DDX60L: variants seen among roughly 807,000 people sequenced by gnomAD.
DDX60L encodes DExD/H-box 60 like.
In DDX60L, 191 loss-of-function variants were observed where a neutral mutation model predicts 211.6. The ratio of observed to expected loss-of-function variants is 0.90; its 90% confidence interval spans 0.80 to 1.02. The LOEUF (loss-of-function observed/expected upper bound fraction) is 1.02, where lower values mean the gene tolerates loss of function less well. DDX60L is among the 50% of genes least tolerant of loss of function. DDX60L has a pLI of 0.00. For missense variants in DDX60L, 2,007 were observed against 1,984.1 expected (o/e 1.01, Z -0.22); for synonymous variants, 706 against 694.1 (o/e 1.02, Z -0.27).
chr4:168,436,325 G>T (rs1418709230), intron 10 of DDX60L, among the ~76,000 whole-genome samples: 1 of 152,192 alleles, frequency 6.6e-6, no homozygotes, highest in East Asian at 1.9e-4. Flanking sequence ...CAATGCTTCT[G>T]CCAGAAATAC....
chr4:168,371,549 C>T, intron 36 of DDX60L, 63 bp downstream of exon 36: 2 of 882,386 alleles, frequency 2.3e-6, no homozygotes, highest in East Asian at 2.9e-5. Flanking sequence ...TATGAATATA[C>T]AATAATAAAA....
intron 22 of DDX60L, among the ~76,000 whole-genome samples, chr4:168,411,129 T>A (rs566430575): frequency 6.6e-6 from 1 of 152,308 alleles, no homozygotes; most frequent in Non-Finnish European, 1.5e-5. Context: ...CCATCCTTGA[T>A]GTCCGTGTAC....
In DDX60L at chr4:168,441,043, T is replaced by C. The variant is rs111497623; in HGVS notation, c.1294+294A>G. 2.6e-3 allele frequency among the ~76,000 whole-genome samples: 402 copies of C among 152,188 alleles called. 2 individuals are homozygous for C. The highest frequency in any genetic ancestry group is 9.3e-3 in the African/African-American group (386 of 41,470). ...GAGATGAGAGGAGGGGGAGGATGGA[T>C]TGGGAAGTGGCCCGAGGAACTTTCT... On this transcript the variant is annotated intron_variant, in intron 10 of 37. Transcript: ENST00000682922.
Position 168,359,560 on chromosome 4 carries a change from T to G in DDX60L, c.4992-1284A>C, listed in dbSNP as rs559313651. Among the ~76,000 whole-genome samples, 5 of 152,314 alleles carry G rather than the reference T, an allele frequency of 3.3e-5. No individual in the cohort carries two copies. In the South Asian group the frequency reaches 1.0e-3, roughly 32 times the overall value. ...CCTTCATTTTCTCTCACCTGGAATA[T>G]GGGTATAGCCTCCAGCTTTAGCTCC... On this transcript the variant is annotated intron_variant, in intron 37 of 37. Transcript: ENST00000682922.
intron 5 of DDX60L, 126 bp from the exon 6 acceptor site, chr4:168,458,134 T>A: frequency 1.9e-6 from 1 of 531,736 alleles, no homozygotes. Context: ...GAATGGCGAT[T>A]ACTAAAAAGT....
intron 37 of DDX60L, among the ~76,000 whole-genome samples, chr4:168,359,230 T>A (rs945854971): frequency 6.6e-6 from 1 of 152,210 alleles, no homozygotes; most frequent in African/African-American, 2.4e-5. Flanking sequence ...TTAGGAATGA[T>A]CACATCTTTA....
rs1579126822 is a variant in DDX60L at position 168,358,646 on chromosome 4, C to T, written c.4992-370G>A. 4.0e-5 allele frequency among the ~76,000 whole-genome samples: 6 copies of T among 151,248 alleles called. 1 individual carries two copies. The highest frequency in any genetic ancestry group is 4.0e-4 in the Admixed American group (6 of 15,158). ...CTCCTGGGTTCAAGCAATTCTCTGC[C>T]TCAGCCTCCTGAGTAGCTGGGATTA... On this transcript the variant is annotated intron_variant, in intron 37 of 37. Coordinates refer to ENST00000682922, the MANE Select transcript of DDX60L (RefSeq NM_001012967.3).
At chr4:168,437,865 T>A in intron 10 of DDX60L, among the ~76,000 whole-genome samples, 1 of 63,600 alleles carries the variant, frequency 1.6e-5, no homozygotes, top group Non-Finnish European at 4.3e-5. Context: ...TGGGGTTTTT[T>A]TTTGGGTTTT....
At chr4:168,379,548 C>T (rs1742562940) in intron 31 of DDX60L, 44 bp from the exon 32 acceptor site, 2 of 1,429,394 alleles carry the variant, frequency 1.4e-6, no homozygotes, top group Non-Finnish European at 1.9e-6. Context: ...GTCATGTACT[C>T]AAATACCATA....
Position 168,456,050 on chromosome 4 carries a change from G to C in DDX60L, c.826C>G (p.His276Asp). 1.3e-6 allele frequency: 2 copies of C among 1,584,806 alleles called. No homozygotes were observed. The highest frequency in any genetic ancestry group is 1.7e-6 in the Non-Finnish European group (2 of 1,167,760). ...TSCSLSLRMY[H>D]RVLVHSNCLS... Reference sequence around the variant, plus strand: ...TTCTTTTTACTTACTAAGACACGATGGTACATTCTCAAGGATAGTGAACAT... The same window carrying C: ...TTCTTTTTACTTACTAAGACACGATCGTACATTCTCAAGGATAGTGAACAT... The change falls in exon 7 of 38, where the codon CAT becomes GAT. Residue 276 changes from histidine (H) to aspartate (D), a missense_variant. Physicochemically the swap from His to Asp is moderately conservative, Grantham distance 81. Coordinates refer to ENST00000682922, the MANE Select transcript of DDX60L (RefSeq NM_001012967.3).
chr4:168,449,637 C>CAAAAAAAAAATGCAAAAAAAAAAAAAA (rs1755407799), intron 8 of DDX60L, among the ~76,000 whole-genome samples: 2 of 44,842 alleles, frequency 4.5e-5, no homozygotes, highest in Admixed American at 3.1e-4. Flanking sequence ...AACATTAAAA[C>CAAAAAAAAAATGCAAAAAAAAAAAAAA]AAAAAAAAAA....
chr4:168,432,203 C>T (rs1752453345), intron 12 of DDX60L, among the ~76,000 whole-genome samples: 2 of 150,576 alleles, frequency 1.3e-5, no homozygotes, highest in Non-Finnish European at 3.0e-5. Flanking sequence ...AGACAGCATG[C>T]TTCCTACTGT....
chr4:168,392,325 A>G (rs1744976233), intron 28 of DDX60L, among the ~76,000 whole-genome samples: 1 of 152,218 alleles, frequency 6.6e-6, no homozygotes, highest in Non-Finnish European at 1.5e-5. Flanking sequence ...CTAGGTGCAT[A>G]TAGCTGCTCT....
intron 29 of DDX60L, among the ~76,000 whole-genome samples, chr4:168,387,286 T>G (rs751115770): frequency 6.6e-6 from 1 of 152,226 alleles, no homozygotes; most frequent in Non-Finnish European, 1.5e-5. Flanking sequence ...TAAACTGTGG[T>G]TGGAAATCTC....
In DDX60L at chr4:168,430,466, T is replaced by C. The variant is rs1561057360; in HGVS notation, c.1677+12A>G. 6.4e-7 allele frequency: 1 copy of C among 1,557,026 alleles called. No individual in the cohort carries two copies. Among genetic ancestry groups the C allele is most frequent in the Non-Finnish European group, 8.6e-7 (1 of 1,158,308 alleles). On this transcript the variant is annotated intron_variant, in intron 13 of 37. Coordinates refer to ENST00000682922, the MANE Select transcript of DDX60L (RefSeq NM_001012967.3). ...TCAAAGAAAAAAATTAGGTAAAATC[T>C]TTGCGATCTACCTGTAATATTTCAC...
rs767548056 is a variant in DDX60L at position 168,361,195 on chromosome 4, G to C, written c.4945C>G (p.Leu1649Val). 1.7e-5 allele frequency: 28 copies of C among 1,602,754 alleles called. No homozygotes were observed. The highest frequency in any genetic ancestry group is 2.4e-5 in the Non-Finnish European group (28 of 1,170,804). The change falls in exon 37 of 38, where the codon CTT becomes GTT. Residue 1649 changes from leucine (L) to valine (V), a missense_variant. Transcript: ENST00000682922. ...GCAAAATCTTTCAAACACTTTAAAA[G>C]CTGTCCCATACGCATCCTAAAGAGA... The part of the protein sequence containing the change: ...DQKNGMRMGQ[L>V]LKCLKDFAFN...
chr4:168,479,367 G>A (rs973566975), intron 1 of DDX60L, among the ~76,000 whole-genome samples: 2 of 152,182 alleles, frequency 1.3e-5, no homozygotes, highest in Non-Finnish European at 2.9e-5. Flanking sequence ...TGAATGGTAT[G>A]TTACTGTTTT....
Position 168,404,077 on chromosome 4 carries a change from C to G in DDX60L, c.3243G>C (p.Pro1081=). The change falls in exon 25 of 38, where the codon CCG becomes CCC. Residue 1081 remains proline, a synonymous_variant. Coordinates refer to ENST00000682922, the MANE Select transcript of DDX60L (RefSeq NM_001012967.3). ...TATCTTTTGAACTAGACAATGAATC[C>G]GGACTAAGGTTCTTCAGTACTCTTT... is the stretch of plus-strand genomic sequence containing the variant. ...KVKRVLKNLS[P]DSLSSSKDMV... is the part of the protein sequence containing the mutation. 1 of 1,425,696 alleles carries G rather than the reference C, an allele frequency of 7.0e-7. No homozygotes were observed. Among genetic ancestry groups the G allele is most frequent in the East Asian group, 2.7e-5 (1 of 36,490 alleles). The allele number at this position is 1,425,696 out of a possible 1,614,324, so 88.3% of individuals were successfully genotyped here. A position where few individuals can be genotyped will look rare whatever the true frequency, so the allele number is the denominator to read the frequency against.
chr4:168,375,135 T>G (rs541407999), intron 34 of DDX60L, among the ~76,000 whole-genome samples: 1 of 152,330 alleles, frequency 6.6e-6, no homozygotes, highest in South Asian at 2.1e-4. Context: ...CTTTTATTTT[T>G]TTTCCTCCAT....
Sources: allele counts gnomAD v4.1 joint callset (sites outside exome capture counted in the v4.1 genomes callset), GRCh38; gene constraint gnomAD v4.1.1; transcripts MANE v1.5; gene names NCBI Gene and HGNC (gene_info 2026-07-23, HGNC 2026-07-21).